Variants in ATP13A5 observed in about 807,000 individuals in gnomAD.
ATP13A5 encodes probable cation-transporting ATPase 13A5.
Under a neutral mutation model 150.2 loss-of-function variants are expected in ATP13A5, and 149 were observed. The observed-to-expected ratio is 0.99, with a 90% CI of 0.87 to 1.14. The LOEUF is 1.14. ATP13A5 is among the 50% of genes most tolerant of loss of function. ATP13A5 has a pLI of 0.00. For synonymous variants in ATP13A5, 497 were observed against 522.2 expected, an observed-to-expected ratio of 0.95 and a Z score of 0.66; for missense variants, 1,383 against 1,449.3, an observed-to-expected ratio of 0.95 and a Z score of 0.74.
At chr3:193,307,675 T>A (rs1710055508) in intron 21 of ATP13A5, among the ~76,000 whole-genome samples, 1 of 152,196 alleles carries the variant, frequency 6.6e-6, no homozygotes, top group Non-Finnish European at 1.5e-5. Context: ...AAGGCCAAGC[T>A]TAAGAGTATG....
At chr3:193,376,592 T>C (rs4687417) in intron 1 of ATP13A5, among the ~76,000 whole-genome samples, 17 of 152,298 alleles carry the variant, frequency 1.1e-4, no homozygotes, top group African/African-American at 4.1e-4. Context: ...GGTTTGATAC[T>C]TAGGTAAAAG....
intron 9 of ATP13A5, among the ~76,000 whole-genome samples, chr3:193,340,819 T>G (rs1016677825): frequency 1.2e-4 from 19 of 152,208 alleles, no homozygotes; most frequent in African/African-American, 4.6e-4. Context: ...TATACTTTCA[T>G]GTTTTCTGTC....
At chr3:193,277,443 G>A (rs1207770739) in intron 28 of ATP13A5, among the ~76,000 whole-genome samples, 1 of 152,094 alleles carries the variant, frequency 6.6e-6, no homozygotes, top group East Asian at 1.9e-4. Flanking sequence ...CATAGCAAAA[G>A]GCTAGTTACA....
chr3:193,283,589 A>G lies in ATP13A5; in HGVS notation c.3226+1325T>C, dbSNP rs552368700. On this transcript the variant is annotated intron_variant, in intron 27 of 29. Coordinates refer to ENST00000342358, the MANE Select transcript of ATP13A5 (RefSeq NM_198505.4). ...CCAGCACAAATTTTGTTTTTTAACT[A>G]GTACTTCCTGTTGGATATAATATTA... 1.5e-3 allele frequency among the ~76,000 whole-genome samples: 228 copies of G among 152,292 alleles called. 2 individuals are homozygous for G. Among genetic ancestry groups the G allele is most frequent in the African/African-American group, 4.1e-3 (171 of 41,568 alleles).
At chr3:193,313,996 T>TCTAGAGAC (rs1718947982) in intron 19 of ATP13A5, 37 bp downstream of exon 19, 3 of 1,607,716 alleles carry the variant, frequency 1.9e-6, no homozygotes, top group Non-Finnish European at 2.5e-6. Flanking sequence ...ATTCCATCAG[T>TCTAGAGAC]CTAGGCCCAC....
intron 22 of ATP13A5, 76 bp from the exon 23 acceptor site, chr3:193,305,744 C>G (rs1718588256): frequency 8.2e-7 from 1 of 1,220,392 alleles, no homozygotes; most frequent in South Asian, 1.2e-5. Flanking sequence ...AGAGGCTGTT[C>G]TTCACATCAT....
At chr3:193,311,490 G>A (rs1718846660) in intron 20 of ATP13A5, among the ~76,000 whole-genome samples, 1 of 152,194 alleles carries the variant, frequency 6.6e-6, no homozygotes, top group African/African-American at 2.4e-5. Flanking sequence ...TGGTTTCAGA[G>A]AGAAGCTGGC....
chr3:193,343,160 A>G (rs1334097564), intron 9 of ATP13A5, among the ~76,000 whole-genome samples: 1 of 152,168 alleles, frequency 6.6e-6, no homozygotes, highest in Non-Finnish European at 1.5e-5. Context: ...ACCATTTGGA[A>G]ACAGAAAAAC....
intron 7 of ATP13A5, among the ~76,000 whole-genome samples, chr3:193,345,324 C>T (rs112145307): frequency 6.6e-4 from 101 of 152,166 alleles, no homozygotes; most frequent in African/African-American, 2.3e-3. Context: ...ACAGTCACTG[C>T]CTCAAGGACC....
At chr3:193,287,218 A>G (rs566580611) in intron 26 of ATP13A5, among the ~76,000 whole-genome samples, 2 of 152,282 alleles carry the variant, frequency 1.3e-5, no homozygotes, top group East Asian at 3.9e-4. Flanking sequence ...CAGCTGCAGC[A>G]AGTGGTCCAG....
intron 7 of ATP13A5, 75 bp downstream of exon 7, chr3:193,350,992 C>T (rs894307677): frequency 6.5e-7 from 1 of 1,532,012 alleles, no homozygotes; most frequent in Non-Finnish European, 8.9e-7. Context: ...ACTCCTGGCT[C>T]TCAGTGGAAA....
intron 9 of ATP13A5, among the ~76,000 whole-genome samples, chr3:193,339,443 G>T (rs1269250189): frequency 6.6e-6 from 1 of 152,060 alleles, no homozygotes; most frequent in Non-Finnish European, 1.5e-5. Context: ...AAAACACATA[G>T]TTTTTTCAAA....
At chr3:193,331,920 T>C (rs774323747) in intron 11 of ATP13A5, among the ~76,000 whole-genome samples, 1 of 152,222 alleles carries the variant, frequency 6.6e-6, no homozygotes, top group East Asian at 1.9e-4. Context: ...ACATACTAGG[T>C]AAATGACAGA....
chr3:193,367,188 A>G (rs1004455454), intron 1 of ATP13A5, among the ~76,000 whole-genome samples: 1 of 152,058 alleles, frequency 6.6e-6, no homozygotes, highest in East Asian at 1.9e-4. Context: ...GGAAAAGATT[A>G]TAAAGATGAG....
chr3:193,285,077 A>G lies in ATP13A5; in HGVS notation c.3063T>C (p.Asn1021=). 1 of 1,613,998 alleles carries G rather than the reference A, an allele frequency of 6.2e-7. No homozygotes were observed. Residue 1021 remains asparagine, a synonymous_variant, in exon 27 of 30, where the codon AAT becomes AAC. Transcript: ENST00000342358. ...CAGTCCAGTTTCTTTCCAAACTCAC[A>G]TTTGTTGAAAAATTACTTTGGTTGG... ...FLANQSNFST[N]VSLERNWTGN...
intron 23 of ATP13A5, among the ~76,000 whole-genome samples, chr3:193,301,600 C>T (rs1239115387): frequency 6.6e-6 from 1 of 152,206 alleles, no homozygotes; most frequent in Non-Finnish European, 1.5e-5. Context: ...TTTCAACAAG[C>T]TTTCAGTGAA....
intron 26 of ATP13A5, among the ~76,000 whole-genome samples, chr3:193,286,920 T>G (rs1448810167): frequency 6.6e-6 from 1 of 152,132 alleles, no homozygotes; most frequent in Non-Finnish European, 1.5e-5. Flanking sequence ...ATTAAAAGTG[T>G]TATTCCAGTG....
chr3:193,325,246 C>A (rs554273881), intron 13 of ATP13A5, among the ~76,000 whole-genome samples: 1 of 152,254 alleles, frequency 6.6e-6, no homozygotes, highest in African/African-American at 2.4e-5. Flanking sequence ...TCCTCTATGC[C>A]CTGTACTCTA....
intron 8 of ATP13A5, 129 bp from the exon 9 acceptor site, chr3:193,344,184 T>C (rs1420645395): frequency 2.5e-6 from 3 of 1,177,722 alleles, no homozygotes; most frequent in Non-Finnish European, 3.5e-6. Flanking sequence ...TTGAAGCCCC[T>C]TTTTAGTCAA....
Sources: allele counts gnomAD v4.1 joint callset (sites outside exome capture counted in the v4.1 genomes callset), GRCh38; gene constraint gnomAD v4.1.1; transcripts MANE v1.5; gene names NCBI Gene and HGNC (gene_info 2026-07-23, HGNC 2026-07-21).